Variants in GALK2 observed in about 807,000 individuals in gnomAD.
GALK2 encodes the protein N-acetylgalactosamine kinase.
GALK2 carries 36 observed loss-of-function variants against 52.4 expected under a neutral mutation model. The observed-to-expected ratio is 0.69, with a 90% CI of 0.53 to 0.91. The LOEUF is 0.91. Ranked by LOEUF, GALK2 falls within the 40% of genes least tolerant of loss-of-function variation. The pLI, the probability that GALK2 is intolerant of heterozygous loss-of-function variation, is 0.00. For missense variants in GALK2, 579 were observed against 559.1 expected, an observed-to-expected ratio of 1.04 and a Z score of -0.36; for synonymous variants, 176 against 199.1, an observed-to-expected ratio of 0.88 and a Z score of 0.98.
intron 1 of GALK2, among the ~76,000 whole-genome samples, chr15:49,175,638 A>G (rs1334910589): frequency 2.0e-5 from 3 of 152,126 alleles, no homozygotes; most frequent in Admixed American, 6.5e-5. Flanking sequence ...GCTCTGAGCC[A>G]TCTGAGGTAT....
intron 1 of GALK2, among the ~76,000 whole-genome samples, chr15:49,179,235 T>C (rs897490620): frequency 6.6e-6 from 1 of 152,180 alleles, no homozygotes; most frequent in Non-Finnish European, 1.5e-5. Flanking sequence ...AATTATTTTA[T>C]ACTTATAAAA....
intron 8 of GALK2, among the ~76,000 whole-genome samples, chr15:49,307,752 T>C (rs2035664916): frequency 6.6e-6 from 1 of 152,186 alleles, no homozygotes; most frequent in African/African-American, 2.4e-5. Flanking sequence ...GCCATAAACA[T>C]GAGGAGCACT....
intron 5 of GALK2, among the ~76,000 whole-genome samples, chr15:49,248,517 T>C (rs1027806670): frequency 2.6e-5 from 4 of 152,204 alleles, no homozygotes; most frequent in Admixed American, 2.6e-4. Context: ...ACTGAAGCCA[T>C]GTGCTCACTG....
intron 8 of GALK2, among the ~76,000 whole-genome samples, chr15:49,308,288 C>T (rs945319230): frequency 2.6e-5 from 4 of 152,122 alleles, no homozygotes; most frequent in African/African-American, 9.7e-5. Flanking sequence ...GTGGAGCTTT[C>T]TATTTGTTAG....
At chr15:49,182,614 A>T (rs1412201172) in intron 1 of GALK2, among the ~76,000 whole-genome samples, 3 of 152,190 alleles carry the variant, frequency 2.0e-5, no homozygotes, top group Non-Finnish European at 4.4e-5. Context: ...CCAACAGTGT[A>T]TGAGGGTTCT....
chr15:49,249,683 T>C (rs2091505291), intron 5 of GALK2, among the ~76,000 whole-genome samples: 1 of 152,228 alleles, frequency 6.6e-6, no homozygotes, highest in Admixed American at 6.5e-5. Context: ...TAGGAATAAA[T>C]AGTACTTCTC....
At chr15:49,221,716 A>T (rs1376040407) in intron 3 of GALK2, among the ~76,000 whole-genome samples, 1 of 152,022 alleles carries the variant, frequency 6.6e-6, no homozygotes, top group African/African-American at 2.4e-5. Flanking sequence ...TTTGCTGTAC[A>T]TACATGGATG....
intron 3 of GALK2, among the ~76,000 whole-genome samples, chr15:49,339,919 C>G (rs9806748): frequency 1.3e-5 from 2 of 151,958 alleles, no homozygotes; most frequent in Non-Finnish European, 2.9e-5. Context: ...TTACACTGTG[C>G]GGGTAAAACT....
At chr15:49,345,523 C>T (rs1265079684) in intron 3 of GALK2, among the ~76,000 whole-genome samples, 2 of 152,148 alleles carry the variant, frequency 1.3e-5, no homozygotes, top group Non-Finnish European at 2.9e-5. Flanking sequence ...TTAGATAAAA[C>T]AGAATACTTA....
chr15:49,269,992 A>C (rs1490053898), intron 5 of GALK2, among the ~76,000 whole-genome samples: 6 of 152,216 alleles, frequency 3.9e-5, no homozygotes, highest in Non-Finnish European at 8.8e-5. Context: ...TTCCTTATGG[A>C]ATATGGCTAC....
intron 1 of GALK2, among the ~76,000 whole-genome samples, chr15:49,176,488 G>T (rs544058238): frequency 3.3e-5 from 5 of 152,198 alleles, no homozygotes; most frequent in Non-Finnish European, 7.4e-5. Flanking sequence ...TTAGATCAAC[G>T]CATGACAGAG....
chr15:49,228,326 T>G (rs2090254779), intron 3 of GALK2, among the ~76,000 whole-genome samples: 1 of 152,106 alleles, frequency 6.6e-6, no homozygotes. Context: ...CCTTTTGGTT[T>G]TCTCTGCTTT....
chr15:49,250,070 T>C (rs1174012598), intron 5 of GALK2, among the ~76,000 whole-genome samples: 1 of 152,218 alleles, frequency 6.6e-6, no homozygotes, highest in East Asian at 1.9e-4. Flanking sequence ...CTCTGTCTCC[T>C]TTGTTTGGTG....
intron 5 of GALK2, among the ~76,000 whole-genome samples, chr15:49,248,093 G>A (rs903480652): frequency 6.6e-6 from 1 of 152,112 alleles, no homozygotes; most frequent in Non-Finnish European, 1.5e-5. Flanking sequence ...GAAAGTACAA[G>A]GCTGTATTTT....
At chr15:49,181,847 A>T (rs1359448846) in intron 1 of GALK2, among the ~76,000 whole-genome samples, 1 of 151,442 alleles carries the variant, frequency 6.6e-6, no homozygotes, top group South Asian at 2.1e-4. Context: ...ATTTTTTTTA[A>T]TTTTTATTTT....
chr15:49,254,702 A>G (rs953786973), intron 5 of GALK2, among the ~76,000 whole-genome samples: 2 of 144,196 alleles, frequency 1.4e-5, no homozygotes, highest in African/African-American at 2.5e-5. Flanking sequence ...TAGATTTTTT[A>G]GGGATAGTTC....
intron 8 of GALK2, among the ~76,000 whole-genome samples, chr15:49,311,429 C>T (rs1467468121): frequency 6.6e-6 from 1 of 152,196 alleles, no homozygotes; most frequent in Non-Finnish European, 1.5e-5. Context: ...CTGTTACATT[C>T]TCTGTTGCTT....
intron 3 of GALK2, 41 bp downstream of exon 3, chr15:49,217,354 C>A: frequency 6.3e-7 from 1 of 1,595,100 alleles, no homozygotes; most frequent in South Asian, 1.1e-5. Flanking sequence ...ATGTATGGTT[C>A]TGTTTGTACC....
chr15:49,299,888 G>C (rs191890598), intron 8 of GALK2, among the ~76,000 whole-genome samples: 14 of 151,146 alleles, frequency 9.3e-5, no homozygotes, highest in African/African-American at 3.2e-4. Context: ...CTTATAATAC[G>C]TGCCATGTGC....
Sources: allele counts gnomAD v4.1 joint callset (sites outside exome capture counted in the v4.1 genomes callset), GRCh38; gene constraint gnomAD v4.1.1; transcripts MANE v1.5; gene names NCBI Gene and HGNC (gene_info 2026-07-23, HGNC 2026-07-21).